The following NFIB variants were observed in gnomAD, a reference collection of about 807,000 sequenced individuals.
The protein encoded by NFIB is nuclear factor I B, also known as nuclear factor 1 B-type.
NFIB carries 11 observed loss-of-function variants against 61.5 expected under a neutral mutation model. That is an observed-to-expected ratio of 0.18 (90% confidence interval 0.11 to 0.30). The LOEUF (loss-of-function observed/expected upper bound fraction) is 0.30, where lower values mean the gene tolerates loss of function less well. NFIB is among the 10% of genes least tolerant of loss of function. The pLI, the probability that NFIB is intolerant of heterozygous loss-of-function variation, is 1.00. For missense variants in NFIB, 471 were observed against 608.9 expected (o/e 0.77, Z 2.38); for synonymous variants, 260 against 216.5 (o/e 1.20, Z -1.76).
In NFIB at chr9:14,258,112, G is replaced by A. The variant is rs143880527; in HGVS notation, c.562+48877C>T. Among the ~76,000 whole-genome samples, 1,268 of 152,234 alleles carry A rather than the reference G, an allele frequency of 8.3e-3. 15 individuals are homozygous for A. The highest frequency in any genetic ancestry group is 0.029 in the African/African-American group (1,189 of 41,554). ...GCATAAAAGAACCTTTTGATGACTCGTATTAGAACATGAATTTAATAGAAG... is the reference window on the plus strand; with the variant it reads ...GCATAAAAGAACCTTTTGATGACTCATATTAGAACATGAATTTAATAGAAG... On this transcript the variant is annotated intron_variant, in intron 2 of 10. Coordinates refer to ENST00000380953, the MANE Select transcript of NFIB (RefSeq NM_001190737.2).
chr9:14,485,919 C>A, the NFIB span, among the ~76,000 whole-genome samples: 1 of 151,752 alleles, frequency 6.6e-6, no homozygotes, highest in Non-Finnish European at 1.5e-5. Context: ...CCCCACAACA[C>A]ACACACAGTC....
the NFIB span, among the ~76,000 whole-genome samples, chr9:14,436,923 C>T: frequency 6.7e-5 from 10 of 150,130 alleles, no homozygotes; most frequent in Admixed American, 2.0e-4. Context: ...GAGCTGGCAC[C>T]CCGGAAGGAA....
the NFIB span, among the ~76,000 whole-genome samples, chr9:14,447,090 A>G: frequency 6.6e-6 from 1 of 152,104 alleles, no homozygotes; most frequent in Non-Finnish European, 1.5e-5. Context: ...TAAGAATCTT[A>G]TATTTCATAG....
At chr9:14,315,467 C>T (rs1485223584), upstream of NFIB, among the ~76,000 whole-genome samples, 1 of 147,704 alleles carries the variant, frequency 6.8e-6, no homozygotes, top group Non-Finnish European at 1.5e-5. Flanking sequence ...CCCCGGGGCC[C>T]GGGGCGCCGG....
chr9:14,448,660 C>A, the NFIB span, among the ~76,000 whole-genome samples: 1,138 of 152,090 alleles, frequency 7.5e-3, 7 homozygotes, highest in Middle Eastern at 0.037. Context: ...CTGAATAAGA[C>A]AAGGGTAGGA....
chr9:14,244,331 A>C (rs1417157859), intron 2 of NFIB, among the ~76,000 whole-genome samples: 1 of 152,250 alleles, frequency 6.6e-6, no homozygotes, highest in African/African-American at 2.4e-5. Flanking sequence ...CTTATAGTAG[A>C]AAACAAAGTT....
rs2032257253 is a variant in NFIB at position 14,083,010 on chromosome 9, T to G, written c.*5299A>C. ...TAGTGTACCGGTAAGCTAGTGGCACTGAAGCGCTTTTCACAATCTCAACAT... is the reference window on the plus strand; with the variant it reads ...TAGTGTACCGGTAAGCTAGTGGCACGGAAGCGCTTTTCACAATCTCAACAT... On this transcript the variant is annotated 3_prime_UTR_variant, in exon 11 of 11. Transcript: ENST00000380953. The G allele has an allele frequency of 4.8e-6, 1 of 207,424 alleles. No individual in the cohort carries two copies. Among genetic ancestry groups the G allele is most frequent in the Non-Finnish European group, 9.8e-6 (1 of 101,834 alleles). 12.8% of individuals were successfully genotyped at this position (207,424 alleles called of 1,614,324 possible). A position where few individuals can be genotyped will look rare whatever the true frequency, so the allele number is the denominator to read the frequency against.
At chr9:14,467,540 C>G in the NFIB span, among the ~76,000 whole-genome samples, 1 of 152,056 alleles carries the variant, frequency 6.6e-6, no homozygotes, top group Non-Finnish European at 1.5e-5. Flanking sequence ...TATCCTTTGT[C>G]CTGGTGCTAT....
intron 2 of NFIB, among the ~76,000 whole-genome samples, chr9:14,304,328 C>G (rs2059909445): frequency 6.6e-6 from 1 of 152,184 alleles, no homozygotes; most frequent in Non-Finnish European, 1.5e-5. Context: ...ACATGTTGGT[C>G]TTTATTTCGT....
At chr9:14,507,703 G>T in the NFIB span, among the ~76,000 whole-genome samples, 2 of 152,172 alleles carry the variant, frequency 1.3e-5, no homozygotes, top group South Asian at 4.1e-4. Flanking sequence ...AACTGGCAGA[G>T]TGTTAGGTTT....
chr9:14,251,342 T>C (rs998625072), intron 2 of NFIB, among the ~76,000 whole-genome samples: 4 of 152,240 alleles, frequency 2.6e-5, no homozygotes, highest in Non-Finnish European at 5.9e-5. Flanking sequence ...TTAAAAATCC[T>C]AATGGCAGAC....
the NFIB span, among the ~76,000 whole-genome samples, chr9:14,422,581 A>G: frequency 6.6e-6 from 1 of 152,248 alleles, no homozygotes; most frequent in African/African-American, 2.4e-5. Context: ...CACACTTATA[A>G]AACCCAACCT....
At chr9:14,129,085 A>T (rs1045686909) in intron 6 of NFIB, among the ~76,000 whole-genome samples, 2 of 152,170 alleles carry the variant, frequency 1.3e-5, no homozygotes, top group Non-Finnish European at 2.9e-5. Context: ...ATACAGACCA[A>T]CACAGAAGAA....
At chr9:14,378,690 T>C (rs2061448957) in intron 1 of NFIB, among the ~76,000 whole-genome samples, 1 of 152,162 alleles carries the variant, frequency 6.6e-6, no homozygotes, top group Non-Finnish European at 1.5e-5. Context: ...CAAAATGTTA[T>C]TGATTAGGGT....
chr9:14,460,069 G>A, the NFIB span, among the ~76,000 whole-genome samples: 3,573 of 152,140 alleles, frequency 0.023, 52 homozygotes, highest in Middle Eastern at 0.054. Context: ...ACATGCACAC[G>A]TATGTTTATT....
intron 1 of NFIB, among the ~76,000 whole-genome samples, chr9:14,346,056 G>A (rs966978516): frequency 6.6e-6 from 1 of 152,158 alleles, no homozygotes; most frequent in Non-Finnish European, 1.5e-5. Context: ...GAGGAGGCAC[G>A]ACCCTGATCC....
the NFIB span, among the ~76,000 whole-genome samples, chr9:14,496,945 T>G: frequency 1.3e-4 from 20 of 152,224 alleles, no homozygotes; most frequent in African/African-American, 4.8e-4. Flanking sequence ...CAAATTGGCA[T>G]GGTCACCAAA....
chr9:14,423,313 C>T, the NFIB span, among the ~76,000 whole-genome samples: 1 of 152,320 alleles, frequency 6.6e-6, no homozygotes, highest in South Asian at 2.1e-4. Flanking sequence ...CCCCAGAACT[C>T]CTTGCTGTTT....
At chr9:14,286,954 A>T (rs987973664) in intron 2 of NFIB, among the ~76,000 whole-genome samples, 1 of 152,206 alleles carries the variant, frequency 6.6e-6, no homozygotes, top group Non-Finnish European at 1.5e-5. Flanking sequence ...CTTATAAGAG[A>T]ACAAGGGGAA....
Sources: gnomAD v4.1 joint callset for allele counts (sites outside exome capture counted in the v4.1 genomes callset) on GRCh38, gnomAD v4.1.1 for gene constraint, MANE v1.5 for transcripts, NCBI Gene and HGNC (gene_info 2026-07-23, HGNC 2026-07-21) for gene names.